Variants in NDST3 observed in about 807,000 individuals in gnomAD.
NDST3 encodes the protein N-deacetylase and N-sulfotransferase 3, also known as bifunctional heparan sulfate N-deacetylase/N-sulfotransferase 3.
A neutral mutation model predicts 96.1 loss-of-function variants in NDST3; 58 were observed. The observed-to-expected ratio is 0.60, with a 90% CI of 0.49 to 0.75. The LOEUF (loss-of-function observed/expected upper bound fraction) is 0.75, where lower values mean the gene tolerates loss of function less well. Ranked by LOEUF, NDST3 falls within the 30% of genes least tolerant of loss-of-function variation. The pLI is 0.00. For synonymous variants in NDST3, 333 were observed against 359.7 expected (o/e 0.93, Z 0.84); for missense variants, 788 against 1,034.2 (o/e 0.76, Z 3.27).
At position 118,256,982 on chromosome 4, in the gene NDST3, G is replaced by A. The variant is rs1742157434; in HGVS notation, c.*1270G>A. ...AGTAACAGATCATAGGTACAATTAAGGATTAGCTACTAAATTAAATGCAGG... is the reference window on the plus strand; with the variant it reads ...AGTAACAGATCATAGGTACAATTAAAGATTAGCTACTAAATTAAATGCAGG... On this transcript the variant is annotated 3_prime_UTR_variant, in exon 14 of 14. Transcript: ENST00000296499. The A allele has an allele frequency of 6.6e-6, 1 of 151,970 alleles. No homozygotes were observed. The highest frequency in any genetic ancestry group is 2.4e-5 in the African/African-American group (1 of 41,374). The allele number at this position is 151,970 out of a possible 1,614,324, so 9.4% of individuals were successfully genotyped here. A position where few individuals can be genotyped will look rare whatever the true frequency, so the allele number is the denominator to read the frequency against.
At chr4:118,177,002 G>A (rs756009077) in intron 6 of NDST3, among the ~76,000 whole-genome samples, 42 of 151,992 alleles carry the variant, frequency 2.8e-4, no homozygotes, top group Non-Finnish European at 4.4e-4. Context: ...TATGAATTGT[G>A]AGGAAGTGAG....
intron 2 of NDST3, among the ~76,000 whole-genome samples, chr4:118,103,962 A>G (rs1190936338): frequency 3.3e-5 from 5 of 152,212 alleles, no homozygotes; most frequent in Non-Finnish European, 7.3e-5. Flanking sequence ...TTGCATTCAG[A>G]TAAAGCATAC....
At chr4:118,052,898 C>A (rs1725161881) in intron 1 of NDST3, among the ~76,000 whole-genome samples, 1 of 151,954 alleles carries the variant, frequency 6.6e-6, no homozygotes, top group African/African-American at 2.4e-5. Context: ...CAAATTATTG[C>A]ACAACAAAGT....
chr4:118,251,085 A>ATTT (rs1419839839), intron 12 of NDST3, among the ~76,000 whole-genome samples: 5 of 126,934 alleles, frequency 3.9e-5, no homozygotes, highest in Middle Eastern at 4.6e-3. Context: ...TTAGCTATAA[A>ATTT]TTTTTTATTT....
At chr4:118,143,444 A>G in intron 5 of NDST3, 112 bp from the exon 6 acceptor site, 1 of 1,106,060 alleles carries the variant, frequency 9.0e-7, no homozygotes, top group Non-Finnish European at 1.3e-6. Flanking sequence ...CCCTGGTTAG[A>G]CCTGAATAAT....
chr4:118,253,056 A>G (rs1342141751), intron 12 of NDST3, among the ~76,000 whole-genome samples: 3 of 152,212 alleles, frequency 2.0e-5, no homozygotes, highest in Admixed American at 2.0e-4. Context: ...TTTCTCTTCT[A>G]TTACCTTCTA....
chr4:118,237,219 A>G lies in NDST3; in HGVS notation c.2117A>G (p.Gln706Arg), dbSNP rs1158654472. 3 of 1,599,732 alleles carry G rather than the reference A, an allele frequency of 1.9e-6. No individual in the cohort carries two copies. The East Asian group carries it at 6.8e-5, about 36-fold the overall frequency. ...TCAGACCGAGCATACTCCTGGTACC[A>G]GGTAAGGAAAATGCAAATAAAATCC... is the stretch of plus-strand genomic sequence containing the variant. ...DPSDRAYSWYQHQRSHEDPAA... is the reference protein window; with the variant it reads ...DPSDRAYSWYRHQRSHEDPAA... The change falls in exon 10 of 14, where the codon CAG becomes CGG. Residue 706 changes from glutamine (Q) to arginine (R), a missense_variant and splice_region_variant. Physicochemically the swap from Gln to Arg is conservative, Grantham distance 43. Coordinates refer to ENST00000296499, the MANE Select transcript of NDST3 (RefSeq NM_004784.3).
At chr4:118,041,035 C>T (rs1724436060) in intron 1 of NDST3, among the ~76,000 whole-genome samples, 1 of 151,732 alleles carries the variant, frequency 6.6e-6, no homozygotes, top group Admixed American at 6.6e-5. Flanking sequence ...GGGGTGAGCC[C>T]CTGCACCCGG....
chr4:118,209,187 T>C (rs889151673), intron 6 of NDST3, among the ~76,000 whole-genome samples: 4 of 152,150 alleles, frequency 2.6e-5, no homozygotes, highest in African/African-American at 9.7e-5. Context: ...TGCTGGAAAA[T>C]AAAGATGTTT....
At chr4:118,069,138 C>T (rs939669911) in intron 2 of NDST3, among the ~76,000 whole-genome samples, 9 of 101,364 alleles carry the variant, frequency 8.9e-5, no homozygotes, top group South Asian at 3.8e-4. Context: ...GGAACCTGTG[C>T]ATCAGATCAG....
intron 10 of NDST3, among the ~76,000 whole-genome samples, 183 bp downstream of exon 10, chr4:118,237,403 GTTC>G (rs1010226082): frequency 1.3e-5 from 2 of 152,022 alleles, no homozygotes; most frequent in Non-Finnish European, 2.9e-5. Flanking sequence ...CTAAGTTTTT[GTTC>G]TTATTTTATT....
chr4:118,222,920 AG>A (rs1739644192), intron 6 of NDST3, among the ~76,000 whole-genome samples: 2 of 151,966 alleles, frequency 1.3e-5, no homozygotes, highest in South Asian at 2.1e-4. Context: ...GAGGTTATAT[AG>A]TATCTCTATT....
At chr4:118,170,702 C>A (rs1292246022) in intron 6 of NDST3, among the ~76,000 whole-genome samples, 2 of 152,056 alleles carry the variant, frequency 1.3e-5, no homozygotes. Flanking sequence ...GCACTCCAGC[C>A]TGGGCGACAG....
intron 2 of NDST3, among the ~76,000 whole-genome samples, chr4:118,089,290 T>C (rs748033280): frequency 6.6e-6 from 1 of 151,964 alleles, no homozygotes; most frequent in South Asian, 2.1e-4. Flanking sequence ...AAGGGGTTTA[T>C]ATAGTTACCT....
At chr4:118,047,122 C>A (rs182020059) in intron 1 of NDST3, among the ~76,000 whole-genome samples, 2 of 152,308 alleles carry the variant, frequency 1.3e-5, no homozygotes, top group African/African-American at 4.8e-5. Flanking sequence ...TCTACTGGAT[C>A]CCAGCCCAAA....
At position 118,148,171 on chromosome 4, in the gene NDST3, G is replaced by A. The variant is rs575420311; in HGVS notation, c.1539+4487G>A. ...AAATTAGCCAGGCGTGGTGGCAGGC[G>A]CCTGTAGTCCCAGCTACTCAGGAGG... On this transcript the variant is annotated intron_variant, in intron 6 of 13. Coordinates refer to ENST00000296499, the MANE Select transcript of NDST3 (RefSeq NM_004784.3). 3.3e-5 allele frequency among the ~76,000 whole-genome samples: 5 copies of A among 152,230 alleles called. No individual in the cohort carries two copies. The South Asian group carries it at 6.2e-4, about 19-fold the overall frequency.
At chr4:118,187,346 TA>T (rs1489321778) in intron 6 of NDST3, among the ~76,000 whole-genome samples, 1 of 152,248 alleles carries the variant, frequency 6.6e-6, no homozygotes, top group Admixed American at 6.5e-5. Context: ...GATAAATTTC[TA>T]ATCATTGCCT....
chr4:118,075,129 C>T (rs1296099126), intron 2 of NDST3, among the ~76,000 whole-genome samples: 1 of 151,734 alleles, frequency 6.6e-6, no homozygotes, highest in Non-Finnish European at 1.5e-5. Context: ...TCAATTCCTA[C>T]CTATGAGTGA....
intron 6 of NDST3, chr4:118,194,389 G>T: frequency 1.4e-6 from 1 of 731,914 alleles, no homozygotes; most frequent in South Asian, 1.4e-5. Context: ...GCATTGGGGA[G>T]ATCTTTGGAG....
Sources: gnomAD v4.1 joint callset for allele counts (sites outside exome capture counted in the v4.1 genomes callset) on GRCh38, gnomAD v4.1.1 for gene constraint, MANE v1.5 for transcripts, NCBI Gene and HGNC (gene_info 2026-07-23, HGNC 2026-07-21) for gene names.